Variants in PIAS1 observed in about 807,000 individuals in gnomAD.
The protein encoded by PIAS1 is E3 SUMO-protein ligase PIAS1.
Under a neutral mutation model 71.3 loss-of-function variants are expected in PIAS1, and 6 were observed. The observed-to-expected ratio is 0.08, with a 90% CI of 0.05 to 0.17. PIAS1 has a LOEUF of 0.17. PIAS1 is among the 10% of genes least tolerant of loss of function. PIAS1 has a pLI of 1.00. For missense variants in PIAS1, 555 were observed against 793.6 expected (o/e 0.70, Z 3.61); for synonymous variants, 303 against 292.9 (o/e 1.03, Z -0.35).
intron 1 of PIAS1, among the ~76,000 whole-genome samples, chr15:68,072,399 CAAAAAAAAAAAAAA>C (rs1166484451): frequency 2.0e-4 from 5 of 25,010 alleles, no homozygotes; most frequent in Admixed American, 6.1e-4. Flanking sequence ...GACTCCATCT[CAAAAAAAAAAAAAA>C]AAAAAAAAAA....
rs1175676039 is a variant in PIAS1 at position 68,191,825 on chromosome 15, G to A, written c.*3990G>A. ...GAGTAAGGTAACAGCCCTTCCTCGG[G>A]TAGAGGTTTGAATCAAACACTTAAT... On this transcript the variant is annotated 3_prime_UTR_variant, in exon 14 of 14. Transcript: ENST00000249636. 8 of 152,136 alleles carry A rather than the reference G, an allele frequency of 5.3e-5. No individual in the cohort carries two copies. Among genetic ancestry groups the A allele is most frequent in the Non-Finnish European group, 1.2e-4 (8 of 68,034 alleles). The allele number at this position is 152,136 out of a possible 1,614,324, so 9.4% of individuals were successfully genotyped here.
chr15:68,088,168 A>ATG (rs1555424824), intron 2 of PIAS1, among the ~76,000 whole-genome samples: 1,507 of 119,900 alleles, frequency 0.013, 62 homozygotes, highest in Middle Eastern at 0.017. Context: ...CTGTCTGATT[A>ATG]TGTGTGTGTA....
In PIAS1 at chr15:68,183,687, C is replaced by A; in HGVS notation, c.1662+20C>A. 1 of 941,796 alleles carries A rather than the reference C, an allele frequency of 1.1e-6. No homozygotes were observed. Among genetic ancestry groups the A allele is most frequent in the East Asian group, 2.7e-5 (1 of 36,980 alleles). The allele number at this position is 941,796 out of a possible 1,614,324, so 58.3% of individuals were successfully genotyped here. On this transcript the variant is annotated intron_variant, in intron 13 of 13. Coordinates refer to ENST00000249636, the MANE Select transcript of PIAS1 (RefSeq NM_016166.3). ...AATCAGGTATGTTATGAAAAATTTA[C>A]TATTATTTTAATTGTACATTAAAAA...
intron 4 of PIAS1, among the ~76,000 whole-genome samples, chr15:68,143,629 T>A (rs892468348): frequency 6.6e-6 from 1 of 152,102 alleles, no homozygotes. Flanking sequence ...AGGACAAAAA[T>A]AAGATGTCTC....
chr15:68,098,008 A>G lies in PIAS1; in HGVS notation c.469+11258A>G, dbSNP rs185829006. On this transcript the variant is annotated intron_variant, in intron 2 of 13. Transcript: ENST00000249636. ...GCTCTAATTTTATTTTTTTCCCAAA[A>G]CTTCCTTTGAATATTATTCTAGATC... 2.7e-4 allele frequency among the ~76,000 whole-genome samples: 41 copies of G among 152,174 alleles called. 2 individuals are homozygous for G. The East Asian group carries it at 3.3e-3, about 12-fold the overall frequency.
intron 7 of PIAS1, among the ~76,000 whole-genome samples, 199 bp from the exon 8 acceptor site, chr15:68,164,532 T>C (rs905247111): frequency 1.3e-4 from 20 of 152,198 alleles, no homozygotes; most frequent in Admixed American, 1.2e-3. Context: ...AACATAGTCA[T>C]TCTACAGATA....
intron 1 of PIAS1, among the ~76,000 whole-genome samples, chr15:68,080,562 T>C (rs1046215448): frequency 3.3e-5 from 5 of 152,234 alleles, no homozygotes; most frequent in African/African-American, 1.2e-4. Flanking sequence ...GAATGGGGCA[T>C]TGTTGACAGA....
At chr15:68,056,482 G>A (rs2140948248) in intron 1 of PIAS1, among the ~76,000 whole-genome samples, 1 of 151,898 alleles carries the variant, frequency 6.6e-6, no homozygotes, top group South Asian at 2.1e-4. Flanking sequence ...CGTTTTTTGT[G>A]CTCTCCCAAA....
chr15:68,104,368 CTATTT>C (rs2092452490), intron 2 of PIAS1, among the ~76,000 whole-genome samples: 1 of 152,124 alleles, frequency 6.6e-6, no homozygotes, highest in East Asian at 1.9e-4. Context: ...GTTCTGCCTT[CTATTT>C]CTGTAGGTAG....
chr15:68,185,347 A>G lies in PIAS1; in HGVS notation c.1662+1680A>G, dbSNP rs1004317573. Among the ~76,000 whole-genome samples the G allele has an allele frequency of 1.3e-5, 2 of 152,178 alleles. No individual in the cohort carries two copies. The highest frequency in any genetic ancestry group is 2.4e-5 in the African/African-American group (1 of 41,448). On this transcript the variant is annotated intron_variant, in intron 13 of 13. Coordinates refer to ENST00000249636, the MANE Select transcript of PIAS1 (RefSeq NM_016166.3). This position sits in a 1 kb window ranked among gnomAD's most constrained non-coding sequence, Gnocchi z 4.4. ...ACCAAGGAGTATGTGAATGACATCT[A>G]GAAGACACTGAAGAAGTTTGTTCAT...
intron 2 of PIAS1, among the ~76,000 whole-genome samples, chr15:68,128,429 T>G (rs1415044477): frequency 6.6e-6 from 1 of 152,232 alleles, no homozygotes; most frequent in Non-Finnish European, 1.5e-5. Flanking sequence ...ATTACAGGTG[T>G]GAGCCACTGC....
chr15:68,143,148 A>G (rs1448633559), intron 4 of PIAS1, among the ~76,000 whole-genome samples: 2 of 152,066 alleles, frequency 1.3e-5, no homozygotes, highest in Non-Finnish European at 2.9e-5. Flanking sequence ...TTAAATGTCC[A>G]CACTGTTGGA....
intron 1 of PIAS1, among the ~76,000 whole-genome samples, chr15:68,072,428 A>T (rs1476845737): frequency 6.8e-6 from 1 of 146,100 alleles, no homozygotes; most frequent in Non-Finnish European, 1.5e-5. Context: ...AAAAAAAAAA[A>T]GAGTTATGGG....
chr15:68,193,826 T>TATTA lies in PIAS1; in HGVS notation c.*5993_*5996dup, dbSNP rs903942243. The TATTA allele has an allele frequency of 1.9e-4, 104 of 557,718 alleles. No homozygotes were observed. Among genetic ancestry groups the TATTA allele is most frequent in the Non-Finnish European group, 6.7e-5 (21 of 312,938 alleles). 34.5% of individuals were successfully genotyped at this position (557,718 alleles called of 1,614,324 possible). A position where few individuals can be genotyped will look rare whatever the true frequency, so the allele number is the denominator to read the frequency against. On this transcript the variant is annotated 3_prime_UTR_variant, in exon 14 of 14. Coordinates refer to ENST00000249636, the MANE Select transcript of PIAS1 (RefSeq NM_016166.3). The stretch of plus-strand genomic sequence containing the variant: ...GTTAATAAAATCAATACAAATCTTT[T>TATTA]ATTAAAGATCTACTCATACCATGGC...
intron 2 of PIAS1, chr15:68,087,700 C>G (rs1567035523): frequency 4.4e-6 from 1 of 227,156 alleles, no homozygotes; most frequent in Non-Finnish European, 9.3e-6. Context: ...TTGTGAATCC[C>G]TGTTACAGAT....
At chr15:68,117,683 G>T (rs1253244647) in intron 2 of PIAS1, among the ~76,000 whole-genome samples, 6 of 152,164 alleles carry the variant, frequency 3.9e-5, no homozygotes, top group Non-Finnish European at 8.8e-5. Context: ...ACAAAAGACA[G>T]GATTTTATTC....
chr15:68,130,047 A>T (rs780173501), intron 2 of PIAS1, among the ~76,000 whole-genome samples: 1 of 152,004 alleles, frequency 6.6e-6, no homozygotes, highest in African/African-American at 2.4e-5. Context: ...GTTCATTTTG[A>T]GGGGGGGAAG....
chr15:68,134,564 G>A (rs1486147096), intron 2 of PIAS1, among the ~76,000 whole-genome samples: 1 of 47,508 alleles, frequency 2.1e-5, no homozygotes, highest in South Asian at 6.1e-4. Context: ...CAGTAGGGGC[G>A]GCCGGGCAGA....
intron 1 of PIAS1, among the ~76,000 whole-genome samples, chr15:68,064,691 C>T (rs2091997916): frequency 6.6e-6 from 1 of 152,066 alleles, no homozygotes; most frequent in Non-Finnish European, 1.5e-5. Context: ...TCTATTTTTT[C>T]CCAACTCTAT....
Sources: allele counts gnomAD v4.1 joint callset (sites outside exome capture counted in the v4.1 genomes callset), GRCh38; gene constraint gnomAD v4.1.1; non-coding constraint Gnocchi (gnomAD v3.1); transcripts MANE v1.5; gene names NCBI Gene and HGNC (gene_info 2026-07-23, HGNC 2026-07-21).